TRIM67: variants seen among roughly 807,000 people sequenced by gnomAD.
TRIM67 encodes the protein tripartite motif-containing protein 67.
A neutral mutation model predicts 71.0 loss-of-function variants in TRIM67; 39 were observed. The observed-to-expected ratio is 0.55, with a 90% CI of 0.43 to 0.72. The LOEUF is 0.72. Among genes scored for constraint, TRIM67 ranks in the 30% least tolerant of loss-of-function variants. The probability of loss-of-function intolerance (pLI) is 0.00; values close to 1 mark genes in which losing one functional copy is unlikely to be tolerated. For synonymous variants in TRIM67, 481 were observed against 473.9 expected, an observed-to-expected ratio of 1.01 and a Z score of -0.19; for missense variants, 973 against 1,079.2, an observed-to-expected ratio of 0.90 and a Z score of 1.38.
chr1:231,206,694 C>CT lies in TRIM67; in HGVS notation c.1725dup (p.His576SerfsTer23). 6.2e-7 allele frequency: 1 copy of CT among 1,611,500 alleles called. No individual in the cohort carries two copies. The highest frequency in any genetic ancestry group is 8.5e-7 in the Non-Finnish European group (1 of 1,178,914). ...GGAGACTTTGTGTACCATCGACGGT[C>CT]TTCACTTCAACAGCACCTACAACGC... On this transcript the variant is annotated frameshift_variant, in exon 7 of 10. Coordinates refer to ENST00000366653, the MANE Select transcript of TRIM67 (RefSeq NM_001004342.5). LOFTEE classifies it high-confidence loss of function.
At chr1:231,172,692 T>C (rs1288696021) in intron 1 of TRIM67, among the ~76,000 whole-genome samples, 1 of 152,210 alleles carries the variant, frequency 6.6e-6, no homozygotes, top group Non-Finnish European at 1.5e-5. Flanking sequence ...CGGTGCATAG[T>C]TGTAAAAAAT....
At chr1:231,178,554 T>C (rs1682816151) in intron 1 of TRIM67, among the ~76,000 whole-genome samples, 1 of 152,210 alleles carries the variant, frequency 6.6e-6, no homozygotes, top group South Asian at 2.1e-4. Flanking sequence ...TTAGTGACGG[T>C]GTCCTCTTGG....
In TRIM67 at chr1:231,203,850, G is replaced by A. The variant is rs1390357274; in HGVS notation, c.1535-17G>A. 3 of 1,610,376 alleles carry A rather than the reference G, an allele frequency of 1.9e-6. No homozygotes were observed. Among genetic ancestry groups the A allele is most frequent in the African/African-American group, 1.3e-5 (1 of 74,912 alleles). On this transcript the variant is annotated splice_polypyrimidine_tract_variant and intron_variant, in intron 5 of 9. Coordinates refer to ENST00000366653, the MANE Select transcript of TRIM67 (RefSeq NM_001004342.5). The stretch of plus-strand genomic sequence containing the variant: ...CGGAGGGCTTCCTGCGCTAACTCAT[G>A]TGTGTCCCCCTCGCAGTGCCACCCG...
intron 1 of TRIM67, 94 bp from the exon 2 acceptor site, chr1:231,197,276 TC>T (rs1286227247): frequency 1.0e-6 from 1 of 974,590 alleles, no homozygotes; most frequent in Non-Finnish European, 1.6e-6. Flanking sequence ...ATCAGTCCTA[TC>T]CCCTCTTATA....
chr1:231,162,899 C>T lies in TRIM67; in HGVS notation c.-71C>T, dbSNP rs2102705858. The T allele has an allele frequency of 6.5e-7, 1 of 1,549,610 alleles. No individual in the cohort carries two copies. Among genetic ancestry groups the T allele is most frequent in the East Asian group, 2.4e-5 (1 of 41,794 alleles). ...CTCACCGGGGCGCACCGCGCTGGTC[C>T]TCCTCCGCCAGTCTCCCGAGCTCCG... On this transcript the variant is annotated 5_prime_UTR_variant, in exon 1 of 10. Transcript: ENST00000366653.
Position 231,163,168 on chromosome 1 carries a change from C to T in TRIM67, c.199C>T (p.Leu67=). The T allele has an allele frequency of 6.6e-7, 1 of 1,506,772 alleles. No individual in the cohort carries two copies. The highest frequency in any genetic ancestry group is 1.7e-4 in the Middle Eastern group (1 of 5,764). The allele number at this position is 1,506,772 out of a possible 1,614,324, so 93.3% of individuals were successfully genotyped here. The change falls in exon 1 of 10, where the codon CTG becomes TTG. Residue 67 remains leucine (L), a synonymous_variant. Transcript: ENST00000366653. ...GGCGGGCGCCGCCGCCGCTGCCTCT[C>T]TGGAGCACGACGCTGCGGCTGGCCC... is the stretch of plus-strand genomic sequence containing the variant. ...LQAGAAAAAS[L]EHDAAAGPAC...
Position 231,217,132 on chromosome 1 carries a change from G to A in TRIM67, c.*1692G>A, listed in dbSNP as rs1002307579. On this transcript the variant is annotated 3_prime_UTR_variant, in exon 10 of 10. Coordinates refer to ENST00000366653, the MANE Select transcript of TRIM67 (RefSeq NM_001004342.5). ...TACCCCCCCTCCACTCAGCAGGCCC[G>A]ACAATCCTACCTCAAAGCTCATGCT... The A allele has an allele frequency of 1.6e-5, 16 of 985,782 alleles. No homozygotes were observed. Among genetic ancestry groups the A allele is most frequent in the Middle Eastern group, 5.2e-4 (1 of 1,936 alleles). 61.1% of individuals were successfully genotyped at this position (985,782 alleles called of 1,614,324 possible).
intron 1 of TRIM67, among the ~76,000 whole-genome samples, chr1:231,193,362 G>T (rs967845896): frequency 1.3e-4 from 20 of 152,086 alleles, no homozygotes; most frequent in African/African-American, 3.9e-4. Flanking sequence ...AAATTCATAC[G>T]TTGACGCCTA....
rs781240989 is a variant in TRIM67, at chr1:231,163,773, T to A, written c.804T>A (p.Thr268=). 2.7e-6 allele frequency: 4 copies of A among 1,491,426 alleles called. No homozygotes were observed. The highest frequency in any genetic ancestry group is 3.8e-4 in the Middle Eastern group (2 of 5,314). The allele number at this position is 1,491,426 out of a possible 1,614,324, so 92.4% of individuals were successfully genotyped here. Residue 268 remains threonine (T), a synonymous_variant, in exon 1 of 10, where the codon ACT becomes ACA. Transcript: ENST00000366653. ...PPPAEAASGP[T]GTAQGAPSGG... is the part of the protein sequence containing the mutation. Reference sequence around the variant, plus strand: ...CCGCCGAGGCAGCCTCCGGGCCCACTGGCACCGCCCAGGGCGCCCCCAGCG... The same window carrying A: ...CCGCCGAGGCAGCCTCCGGGCCCACAGGCACCGCCCAGGGCGCCCCCAGCG...
chr1:231,216,960 A>T lies in TRIM67; in HGVS notation c.*1520A>T, dbSNP rs1684028226. 2 of 985,802 alleles carry T rather than the reference A, an allele frequency of 2.0e-6. No individual in the cohort carries two copies. Among genetic ancestry groups the T allele is most frequent in the South Asian group, 9.4e-5 (2 of 21,288 alleles). The allele number at this position is 985,802 out of a possible 1,614,324, so 61.1% of individuals were successfully genotyped here. ...TATTTTGTCAAGCATTTTATTTCTG[A>T]GGCTGAGAAGTGACTTGTCAATTTG... On this transcript the variant is annotated 3_prime_UTR_variant, in exon 10 of 10. Coordinates refer to ENST00000366653, the MANE Select transcript of TRIM67 (RefSeq NM_001004342.5).
intron 1 of TRIM67, among the ~76,000 whole-genome samples, chr1:231,170,234 C>T (rs1682589495): frequency 1.3e-5 from 2 of 152,100 alleles, no homozygotes; most frequent in East Asian, 1.9e-4. Flanking sequence ...GATCCGCCCA[C>T]CTCTGCCTCC....
chr1:231,205,461 C>G (rs866315663), intron 6 of TRIM67, among the ~76,000 whole-genome samples: 2 of 152,174 alleles, frequency 1.3e-5, no homozygotes, highest in South Asian at 4.1e-4. Context: ...CACGGTGGCT[C>G]ACACCCGTAA....
At chr1:231,178,205 T>C (rs1245804494) in intron 1 of TRIM67, among the ~76,000 whole-genome samples, 1 of 152,178 alleles carries the variant, frequency 6.6e-6, no homozygotes, top group Non-Finnish European at 1.5e-5. Context: ...GCATGACTTT[T>C]CCCAGATGTT....
Position 231,217,411 on chromosome 1 carries a change from C to A in TRIM67, c.*1971C>A. The stretch of plus-strand genomic sequence containing the variant: ...CACACAAGACCTGGGACCCTGTGTC[C>A]TTGCCCGCACCTCTGCCTCTGTCTC... On this transcript the variant is annotated 3_prime_UTR_variant, in exon 10 of 10. Coordinates refer to ENST00000366653, the MANE Select transcript of TRIM67 (RefSeq NM_001004342.5). 1 of 987,796 alleles carries A rather than the reference C, an allele frequency of 1.0e-6. No homozygotes were observed. The highest frequency in any genetic ancestry group is 1.2e-6 in the Non-Finnish European group (1 of 831,544). 61.2% of individuals were successfully genotyped at this position (987,796 alleles called of 1,614,324 possible).
At chr1:231,210,806 G>A (rs887734783) in intron 8 of TRIM67, among the ~76,000 whole-genome samples, 2 of 151,806 alleles carry the variant, frequency 1.3e-5, no homozygotes, top group Non-Finnish European at 1.5e-5. Context: ...TAAGGAGGCC[G>A]AGGCAGAAGG....
At chr1:231,167,862 AC>A (rs564885416) in intron 1 of TRIM67, among the ~76,000 whole-genome samples, 1 of 152,130 alleles carries the variant, frequency 6.6e-6, no homozygotes, top group South Asian at 2.1e-4. Context: ...CAGAGGAAAC[AC>A]CTCTTCTATT....
chr1:231,198,336 A>G (rs1683425142), intron 2 of TRIM67, among the ~76,000 whole-genome samples: 1 of 152,184 alleles, frequency 6.6e-6, no homozygotes, highest in African/African-American at 2.4e-5. Context: ...CACATAGAGG[A>G]ACTGCTCATA....
Position 231,163,217 on chromosome 1 carries a change from G to T in TRIM67, c.248G>T (p.Ser83Ile). ...CCGGCCTGCGGCGGTGCAGGCGGGA[G>T]TGCAGCTGGCGGCCTCGGCGGCGGT... is the stretch of plus-strand genomic sequence containing the variant. ...AGPACGGAGG[S>I]AAGGLGGGAG... The change falls in exon 1 of 10, where the codon AGT becomes ATT. Residue 83 changes from serine to isoleucine, a missense_variant. By Grantham distance (142) the Ser-to-Ile change is moderately radical. Transcript: ENST00000366653. The T allele has an allele frequency of 6.7e-7, 1 of 1,493,988 alleles. No individual in the cohort carries two copies. Among genetic ancestry groups the T allele is most frequent in the African/African-American group, 1.5e-5 (1 of 68,744 alleles). The allele number at this position is 1,493,988 out of a possible 1,614,324, so 92.5% of individuals were successfully genotyped here.
intron 2 of TRIM67, 49 bp from the exon 3 acceptor site, chr1:231,198,997 TC>T (rs765914412): frequency 4.3e-6 from 7 of 1,611,200 alleles, no homozygotes; most frequent in Non-Finnish European, 5.9e-6. Flanking sequence ...TTTAGCATCT[TC>T]CCCCTAAAAC....
Sources: allele counts gnomAD v4.1 joint callset (sites outside exome capture counted in the v4.1 genomes callset), GRCh38; gene constraint gnomAD v4.1.1; transcripts MANE v1.5; gene names NCBI Gene and HGNC (gene_info 2026-07-23, HGNC 2026-07-21).